The following PPARA variants were observed in gnomAD, a reference collection of about 807,000 sequenced individuals.
PPARA encodes the protein peroxisome proliferator activated receptor alpha, also known as peroxisome proliferator-activated receptor alpha.
A neutral mutation model predicts 42.2 loss-of-function variants in PPARA; 22 were observed. That is an observed-to-expected ratio of 0.52 (90% CI 0.37 to 0.74). The LOEUF is 0.74. Among genes scored for constraint, PPARA ranks in the 30% least tolerant of loss-of-function variants. The pLI is 0.00. For synonymous variants in PPARA, 242 were observed against 239.3 expected (o/e 1.01, Z -0.10); for missense variants, 465 against 608.2 (o/e 0.76, Z 2.48).
In PPARA at chr22:46,235,019, T is replaced by C; in HGVS notation, c.1160-114T>C. ...CAAGTTGACAATATCTAAAGGCAGC[T>C]CAGTTTTTTTCTAAGAAAGGCCACA... On this transcript the variant is annotated intron_variant, in intron 8 of 8. Transcript: ENST00000407236. The surrounding 1 kb of genome is among the most constrained non-coding windows in gnomAD (Gnocchi z 7.0). 2 of 1,438,500 alleles carry C rather than the reference T, an allele frequency of 1.4e-6. No homozygotes were observed. Among genetic ancestry groups the C allele is most frequent in the Non-Finnish European group, 1.9e-6 (2 of 1,025,668 alleles). The allele number at this position is 1,438,500 out of a possible 1,614,324, so 89.1% of individuals were successfully genotyped here. A position where few individuals can be genotyped will look rare whatever the true frequency, so the allele number is the denominator to read the frequency against.
chr22:46,206,745 C>A lies in PPARA; in HGVS notation c.208+8154C>A, dbSNP rs182680847. Among the ~76,000 whole-genome samples the A allele has an allele frequency of 4.2e-3, 646 of 152,202 alleles. 2 individuals carry two copies. Among genetic ancestry groups the A allele is most frequent in the Non-Finnish European group, 7.0e-3 (474 of 68,006 alleles). On this transcript the variant is annotated intron_variant, in intron 4 of 8. Transcript: ENST00000407236. ...TAGTAAGAAAAATTTTTTACATTTA[C>A]CCACATAATTACCTTTTCTAGTGCT... is the stretch of plus-strand genomic sequence containing the variant.
intron 2 of PPARA, among the ~76,000 whole-genome samples, chr22:46,159,382 G>GCGTA (rs1294925034): frequency 1.3e-5 from 2 of 152,192 alleles, no homozygotes; most frequent in African/African-American, 4.8e-5. Flanking sequence ...TTGTGAAGCA[G>GCGTA]CGTATTTTGC....
rs1296208726 is a variant in PPARA at position 46,180,025 on chromosome 22, C to T, written c.-43+3189C>T. Among the ~76,000 whole-genome samples the T allele has an allele frequency of 6.6e-6, 1 of 152,194 alleles. No homozygotes were observed. Among genetic ancestry groups the T allele is most frequent in the Non-Finnish European group, 1.5e-5 (1 of 68,040 alleles). ...CTACAGTCCCCATGCTAATGTTCTACAACTTACACAGTGGTGGTATGATAC... is the reference window on the plus strand; with the variant it reads ...CTACAGTCCCCATGCTAATGTTCTATAACTTACACAGTGGTGGTATGATAC... On this transcript the variant is annotated intron_variant, in intron 3 of 8. Coordinates refer to ENST00000407236, the MANE Select transcript of PPARA (RefSeq NM_005036.6). This position sits in a 1 kb window ranked among gnomAD's most constrained non-coding sequence, Gnocchi z 4.2.
rs1323773438 is a variant in PPARA at position 46,227,308 on chromosome 22, G to A, written c.712-4484G>A. 6.6e-6 allele frequency among the ~76,000 whole-genome samples: 1 copy of A among 152,014 alleles called. No individual in the cohort carries two copies. Among genetic ancestry groups the A allele is most frequent in the East Asian group, 1.9e-4 (1 of 5,188 alleles). On this transcript the variant is annotated intron_variant, in intron 7 of 8. Coordinates refer to ENST00000407236, the MANE Select transcript of PPARA (RefSeq NM_005036.6). This position sits in a 1 kb window ranked among gnomAD's most constrained non-coding sequence, Gnocchi z 4.3. Reference sequence around the variant, plus strand: ...ACTCTCTTGCCCAGGCTGGAGTGCAGTGGCGCAATCTCAGCTCACTGCAAC... The same window carrying A: ...ACTCTCTTGCCCAGGCTGGAGTGCAATGGCGCAATCTCAGCTCACTGCAAC...
intron 7 of PPARA, among the ~76,000 whole-genome samples, chr22:46,226,234 C>G (rs1051120483): frequency 2.0e-5 from 3 of 152,134 alleles, no homozygotes; most frequent in African/African-American, 7.2e-5. Context: ...CACGTGCACA[C>G]ACATGCTCAC....
Position 46,209,169 on chromosome 22 carries a change from A to G in PPARA, c.209-6004A>G, listed in dbSNP as rs538510158. Among the ~76,000 whole-genome samples, 48 of 152,286 alleles carry G rather than the reference A, an allele frequency of 3.2e-4. 1 individual carries two copies. The highest frequency in any genetic ancestry group is 1.1e-3 in the African/African-American group (45 of 41,560). The stretch of plus-strand genomic sequence containing the variant: ...TTGCATAATGCTATTCTAATTCACA[A>G]TACTACCAACAGTGGACATGGGTTC... On this transcript the variant is annotated intron_variant, in intron 4 of 8. Transcript: ENST00000407236.
chr22:46,156,807 G>A lies in PPARA; in HGVS notation c.-127+4837G>A, dbSNP rs1229489586. Among the ~76,000 whole-genome samples, 1 of 152,160 alleles carries A rather than the reference G, an allele frequency of 6.6e-6. No homozygotes were observed. The highest frequency in any genetic ancestry group is 1.5e-5 in the Non-Finnish European group (1 of 68,038). The stretch of plus-strand genomic sequence containing the variant: ...AGTAGAGATGGAGTTTCACCATGTT[G>A]GCCAGGCTGGTTTTGAACTTCTGAC... On this transcript the variant is annotated intron_variant, in intron 2 of 8. Transcript: ENST00000407236. The surrounding 1 kb of genome is among the most constrained non-coding windows in gnomAD (Gnocchi z 5.2).
intron 4 of PPARA, among the ~76,000 whole-genome samples, chr22:46,202,658 A>G (rs189785464): frequency 8.6e-5 from 13 of 152,000 alleles, no homozygotes; most frequent in Non-Finnish European, 1.5e-5. Flanking sequence ...TTAATGTAAA[A>G]TATTTTATTT....
intron 3 of PPARA, 34 bp from the exon 4 acceptor site, chr22:46,198,308 G>C (rs1009343981): frequency 1.3e-5 from 15 of 1,134,256 alleles, no homozygotes; most frequent in Non-Finnish European, 2.0e-5. Flanking sequence ...GTTGTTATAC[G>C]TCAGTCTTAC....
intron 3 of PPARA, among the ~76,000 whole-genome samples, chr22:46,185,916 AATATATATATATATATATATATAT>A (rs59733161): frequency 7.9e-5 from 2 of 25,310 alleles, no homozygotes; most frequent in African/African-American, 3.9e-4. Flanking sequence ...AAAAAAAAAA[AATATATATATATATATATATATAT>A]ATATATATAT....
Position 46,235,716 on chromosome 22 carries a change from A to G in PPARA, c.*336A>G. ...GTGATTTACCATTTAATTAACTGGT[A>G]ACCTCAAAATTCGTGGCCTGTCTTC... On this transcript the variant is annotated 3_prime_UTR_variant, in exon 9 of 9. Transcript: ENST00000407236. This position sits in a 1 kb window ranked among gnomAD's most constrained non-coding sequence, Gnocchi z 7.0. 1 of 351,288 alleles carries G rather than the reference A, an allele frequency of 2.8e-6. No homozygotes were observed. 21.8% of individuals were successfully genotyped at this position (351,288 alleles called of 1,614,324 possible).
At chr22:46,226,732 G>A (rs1452888634) in intron 7 of PPARA, among the ~76,000 whole-genome samples, 3 of 152,160 alleles carry the variant, frequency 2.0e-5, no homozygotes, top group African/African-American at 7.2e-5. Flanking sequence ...AGTTAGCTGG[G>A]CATGGTGGTG....
intron 4 of PPARA, among the ~76,000 whole-genome samples, chr22:46,205,539 TA>T (rs1569226085): frequency 1.7e-3 from 65 of 38,026 alleles, no homozygotes; most frequent in African/African-American, 7.1e-3. Context: ...TATATATATA[TA>T]TATATATATA....
chr22:46,215,742 T>TAA (rs34774436), intron 5 of PPARA, among the ~76,000 whole-genome samples: 4 of 149,278 alleles, frequency 2.7e-5, no homozygotes, highest in East Asian at 2.0e-4. Context: ...GACTCCATCT[T>TAA]AAAAAAAAAG....
rs1931788296 is a variant in PPARA at position 46,193,155 on chromosome 22, C to T, written c.-42-5187C>T. Among the ~76,000 whole-genome samples, 1 of 152,166 alleles carries T rather than the reference C, an allele frequency of 6.6e-6. No individual in the cohort carries two copies. The highest frequency in any genetic ancestry group is 2.4e-5 in the African/African-American group (1 of 41,440). ...GATCTCGGCTCACTGCAACCTCCAC[C>T]TCCTGGGTTCAAGCGATCCTCCTGC... On this transcript the variant is annotated intron_variant, in intron 3 of 8. Transcript: ENST00000407236. The surrounding 1 kb of genome is among the most constrained non-coding windows in gnomAD (Gnocchi z 5.3).
At chr22:46,194,102 C>A (rs1931906316) in intron 3 of PPARA, among the ~76,000 whole-genome samples, 1 of 152,176 alleles carries the variant, frequency 6.6e-6, no homozygotes, top group Admixed American at 6.5e-5. Flanking sequence ...GGGGCAGGTG[C>A]CCGTTTGGCC....
intron 2 of PPARA, among the ~76,000 whole-genome samples, chr22:46,170,391 A>C (rs1601631226): frequency 7.3e-6 from 1 of 136,786 alleles, no homozygotes; most frequent in East Asian, 2.1e-4. Context: ...GTGTACCACC[A>C]CACCCAGCTA....
Position 46,184,788 on chromosome 22 carries a change from G to C in PPARA, c.-43+7952G>C, listed in dbSNP as rs914493767. Among the ~76,000 whole-genome samples, 2 of 152,228 alleles carry C rather than the reference G, an allele frequency of 1.3e-5. No individual in the cohort carries two copies. Among genetic ancestry groups the C allele is most frequent in the Non-Finnish European group, 2.9e-5 (2 of 68,042 alleles). On this transcript the variant is annotated intron_variant, in intron 3 of 8. Coordinates refer to ENST00000407236, the MANE Select transcript of PPARA (RefSeq NM_005036.6). This position sits in a 1 kb window ranked among gnomAD's most constrained non-coding sequence, Gnocchi z 4.4. ...GAGAATTGCTTTAACCTGGGAGGTG[G>C]AGGTTGCAGTGAGCTGAGATTGTGT...
chr22:46,161,927 C>T lies in PPARA; in HGVS notation c.-127+9957C>T, dbSNP rs1310301858. The stretch of plus-strand genomic sequence containing the variant: ...GAGCTTGAAACCTGTCACCCACCCG[C>T]CTTCCAGATGTCACCTGGGCCCTCC... On this transcript the variant is annotated intron_variant, in intron 2 of 8. Transcript: ENST00000407236. This position sits in a 1 kb window ranked among gnomAD's most constrained non-coding sequence, Gnocchi z 4.8. Among the ~76,000 whole-genome samples the T allele has an allele frequency of 6.6e-6, 1 of 152,206 alleles. No homozygotes were observed. The highest frequency in any genetic ancestry group is 2.4e-5 in the African/African-American group (1 of 41,446).
Sources: allele counts gnomAD v4.1 joint callset (sites outside exome capture counted in the v4.1 genomes callset), GRCh38; gene constraint gnomAD v4.1.1; non-coding constraint Gnocchi (gnomAD v3.1); transcripts MANE v1.5; gene names NCBI Gene and HGNC (gene_info 2026-07-23, HGNC 2026-07-21).